Variants in ABTB3 observed in about 807,000 individuals in gnomAD.
ABTB3 encodes the protein ankyrin repeat and BTB domain containing 3.
the ABTB3 span, among the ~76,000 whole-genome samples, chr12:107,395,021 T>A: frequency 1.3e-5 from 2 of 152,208 alleles, no homozygotes; most frequent in Non-Finnish European, 2.9e-5. Flanking sequence ...CCCACCTGCA[T>A]ACCTGGCCTA....
the ABTB3 span, among the ~76,000 whole-genome samples, chr12:107,375,952 C>T: frequency 6.6e-6 from 1 of 152,210 alleles, no homozygotes; most frequent in Non-Finnish European, 1.5e-5. Flanking sequence ...TTCCAGCCCA[C>T]TTCCCCATGC....
At chr12:107,409,418 C>T in the ABTB3 span, among the ~76,000 whole-genome samples, 33 of 152,372 alleles carry the variant, frequency 2.2e-4, no homozygotes, top group African/African-American at 7.9e-4. Flanking sequence ...CCAGCAGCCC[C>T]ATTACTGGGT....
the ABTB3 span, among the ~76,000 whole-genome samples, chr12:107,360,022 T>C: frequency 1.3e-5 from 2 of 152,170 alleles, no homozygotes; most frequent in Non-Finnish European, 2.9e-5. Context: ...CTTTATCAGG[T>C]GCCCACCACG....
the ABTB3 span, among the ~76,000 whole-genome samples, chr12:107,396,909 G>A: frequency 2.0e-5 from 3 of 152,144 alleles, no homozygotes; most frequent in Non-Finnish European, 2.9e-5. Context: ...GATTTCTTGT[G>A]TGTTTCATTT....
chr12:107,480,309 C>T, the ABTB3 span, among the ~76,000 whole-genome samples: 1 of 151,874 alleles, frequency 6.6e-6, no homozygotes, highest in African/African-American at 2.4e-5. Flanking sequence ...CTATAGGAAA[C>T]AGGGAGCTGT....
chr12:107,331,604 GC>G, the ABTB3 span, among the ~76,000 whole-genome samples: 1 of 152,148 alleles, frequency 6.6e-6, no homozygotes, highest in South Asian at 2.1e-4. Context: ...CGGTGGGGAA[GC>G]CTGCAGGGAT....
At chr12:107,525,635 C>T in the ABTB3 span, among the ~76,000 whole-genome samples, 1 of 152,172 alleles carries the variant, frequency 6.6e-6, no homozygotes, top group Non-Finnish European at 1.5e-5. Context: ...AGAACCCATC[C>T]CTGTTGTGAA....
At chr12:107,337,562 G>A in the ABTB3 span, among the ~76,000 whole-genome samples, 15 of 152,170 alleles carry the variant, frequency 9.9e-5, no homozygotes, top group African/African-American at 3.6e-4. Flanking sequence ...GGTGTTACTA[G>A]TTCCACCGCA....
At chr12:107,338,633 C>A in the ABTB3 span, among the ~76,000 whole-genome samples, 1 of 152,058 alleles carries the variant, frequency 6.6e-6, no homozygotes, top group African/African-American at 2.4e-5. Context: ...CCAACCAACC[C>A]AAGGAATACG....
chr12:107,503,506 C>A, the ABTB3 span, among the ~76,000 whole-genome samples: 19 of 151,948 alleles, frequency 1.3e-4, no homozygotes, highest in African/African-American at 4.3e-4. Flanking sequence ...GTGGCTCACA[C>A]CTGTAATCCC....
chr12:107,355,030 G>A, the ABTB3 span, among the ~76,000 whole-genome samples: 1 of 152,164 alleles, frequency 6.6e-6, no homozygotes, highest in Non-Finnish European at 1.5e-5. Flanking sequence ...GCATGCATGT[G>A]CTACCCCAGG....
chr12:107,516,484 G>A, the ABTB3 span, among the ~76,000 whole-genome samples: 3 of 152,010 alleles, frequency 2.0e-5, no homozygotes, highest in Non-Finnish European at 2.9e-5. Flanking sequence ...CGCCCACCTC[G>A]GCCTCCCAAA....
At chr12:107,447,762 T>G in the ABTB3 span, among the ~76,000 whole-genome samples, 1 of 152,184 alleles carries the variant, frequency 6.6e-6, no homozygotes, top group Non-Finnish European at 1.5e-5. Context: ...CACCCTTCCC[T>G]GCTTTGCTAA....
chr12:107,511,098 G>C, the ABTB3 span, among the ~76,000 whole-genome samples: 1 of 152,096 alleles, frequency 6.6e-6, no homozygotes, highest in Non-Finnish European at 1.5e-5. Context: ...AAACCCCCAG[G>C]AGAGTCATTT....
the ABTB3 span, chr12:107,618,493 C>G: frequency 2.4e-6 from 2 of 837,562 alleles, no homozygotes; most frequent in South Asian, 3.6e-5. Context: ...CACATGCACA[C>G]ACACGTGCAC....
chr12:107,622,627 A>G, the ABTB3 span, among the ~76,000 whole-genome samples: 1 of 152,046 alleles, frequency 6.6e-6, no homozygotes, highest in Non-Finnish European at 1.5e-5. Context: ...GATTGCAGGC[A>G]TGCACCACCA....
At chr12:107,486,136 A>T in the ABTB3 span, among the ~76,000 whole-genome samples, 1 of 152,160 alleles carries the variant, frequency 6.6e-6, no homozygotes, top group South Asian at 2.1e-4. Context: ...TGTTTGGGTC[A>T]TGGGGGCAGA....
the ABTB3 span, among the ~76,000 whole-genome samples, chr12:107,653,689 C>G: frequency 6.6e-6 from 1 of 152,262 alleles, no homozygotes; most frequent in Admixed American, 6.5e-5. Flanking sequence ...GAATGCTACA[C>G]TAGTCCCATG....
the ABTB3 span, among the ~76,000 whole-genome samples, chr12:107,332,117 G>A: frequency 6.6e-6 from 1 of 152,244 alleles, no homozygotes; most frequent in Non-Finnish European, 1.5e-5. Context: ...ATGGGAAGGC[G>A]TCACTTGGCT....
Sources: gnomAD v4.1 joint callset for allele counts (sites outside exome capture counted in the v4.1 genomes callset) on GRCh38, gnomAD v4.1.1 for gene constraint, MANE v1.5 for transcripts, NCBI Gene and HGNC (gene_info 2026-07-23, HGNC 2026-07-21) for gene names.